SYNE2: variants seen among roughly 807,000 people sequenced by gnomAD.
SYNE2 encodes the protein nesprin-2.
SYNE2 carries 431 observed loss-of-function variants against 856.3 expected under a neutral mutation model. The ratio of observed to expected loss-of-function variants is 0.50; its 90% CI spans 0.47 to 0.55. The LOEUF (loss-of-function observed/expected upper bound fraction) is 0.55. Among genes scored for constraint, SYNE2 ranks in the 20% least tolerant of loss-of-function variants. The pLI, the probability that SYNE2 is intolerant of heterozygous loss-of-function variation, is 0.00. For synonymous variants in SYNE2, 2,923 were observed against 2,872.3 expected, an observed-to-expected ratio of 1.02 and a Z score of -0.56; for missense variants, 8,129 against 8,023.2, an observed-to-expected ratio of 1.01 and a Z score of -0.50.
intron 1 of SYNE2, among the ~76,000 whole-genome samples, chr14:63,907,507 T>C (rs186107382): frequency 6.6e-6 from 1 of 152,284 alleles, no homozygotes; most frequent in Non-Finnish European, 1.5e-5. Flanking sequence ...GTTATAAAGA[T>C]TAAATGAGGT....
intron 1 of SYNE2, among the ~76,000 whole-genome samples, chr14:63,804,020 G>A (rs1317514659): frequency 2.0e-5 from 3 of 152,088 alleles, no homozygotes; most frequent in South Asian, 2.1e-4. Context: ...CTCCTGCTCC[G>A]CCATGGGAAC....
chr14:63,778,888 T>C (rs185100857), intron 1 of SYNE2, among the ~76,000 whole-genome samples: 1 of 152,230 alleles, frequency 6.6e-6, no homozygotes, highest in Non-Finnish European at 1.5e-5. Flanking sequence ...TTAGTGATCC[T>C]CCTGCCTCAG....
chr14:64,037,908 C>T (rs564271486), intron 45 of SYNE2, among the ~76,000 whole-genome samples: 85 of 151,724 alleles, frequency 5.6e-4, no homozygotes, highest in African/African-American at 2.0e-3. Context: ...CCCAACCTCC[C>T]TCCCGGACCG....
Position 64,115,874 on chromosome 14 carries a change from C to T in SYNE2, c.12840+2303C>T, listed in dbSNP as rs373939701. Among the ~76,000 whole-genome samples, 423 of 149,522 alleles carry T rather than the reference C, an allele frequency of 2.8e-3. 4 individuals carry two copies. In the South Asian group the frequency reaches 0.032, roughly 11 times the overall value. On this transcript the variant is annotated intron_variant, in intron 66 of 115. Coordinates refer to ENST00000555002, the MANE Select transcript of SYNE2 (RefSeq NM_182914.3). ...CAAACAGTTCAGTGAAGATTATGGA[C>T]CAGGAGTGGTGGCTCACGCCTGTAA... is the stretch of plus-strand genomic sequence containing the variant.
At chr14:63,790,453 C>T (rs1023180643) in intron 1 of SYNE2, among the ~76,000 whole-genome samples, 3 of 152,152 alleles carry the variant, frequency 2.0e-5, no homozygotes, top group African/African-American at 7.2e-5. Flanking sequence ...TCAAAGTTTA[C>T]CCCTCCGCCA....
At chr14:64,216,843 G>C (rs751852291) in intron 108 of SYNE2, among the ~76,000 whole-genome samples, 12 of 152,184 alleles carry the variant, frequency 7.9e-5, no homozygotes, top group Non-Finnish European at 1.6e-4. Flanking sequence ...TCCTGCCTCA[G>C]CCTCCCAAGT....
At chr14:64,060,633 C>T (rs146083148) in intron 49 of SYNE2, among the ~76,000 whole-genome samples, 161 of 152,184 alleles carry the variant, frequency 1.1e-3, no homozygotes, top group African/African-American at 3.7e-3. Flanking sequence ...TCCAAGGACT[C>T]CCTTAGCTGC....
intron 84 of SYNE2, among the ~76,000 whole-genome samples, chr14:64,152,113 C>T (rs1034990337): frequency 6.6e-6 from 1 of 152,204 alleles, no homozygotes; most frequent in Admixed American, 6.5e-5. Flanking sequence ...GAACTACCAA[C>T]AGTTATATCG....
chr14:63,995,456 ACT>A (rs1422942006), intron 23 of SYNE2, among the ~76,000 whole-genome samples: 1 of 151,922 alleles, frequency 6.6e-6, no homozygotes, highest in African/African-American at 2.4e-5. Flanking sequence ...CTGTCCTCAG[ACT>A]CTGGTCACAA....
chr14:64,195,064 G>A (rs2098535042), intron 99 of SYNE2, among the ~76,000 whole-genome samples: 1 of 152,148 alleles, frequency 6.6e-6, no homozygotes, highest in Non-Finnish European at 1.5e-5. Context: ...AGTCCCTCTG[G>A]CAGGTTGCAC....
At chr14:63,854,198 G>A (rs538077489) in intron 1 of SYNE2, among the ~76,000 whole-genome samples, 1 of 146,460 alleles carries the variant, frequency 6.8e-6, no homozygotes, top group African/African-American at 2.5e-5. Flanking sequence ...TTTATTTGAA[G>A]CAACTTTTGT....
chr14:64,158,088 C>G (rs891593886), intron 85 of SYNE2, among the ~76,000 whole-genome samples: 17 of 152,162 alleles, frequency 1.1e-4, no homozygotes, highest in African/African-American at 4.1e-4. Context: ...TTTGCACTTG[C>G]CCATCATTTT....
intron 1 of SYNE2, among the ~76,000 whole-genome samples, chr14:63,786,582 TTGGTTTC>T: frequency 6.6e-6 from 1 of 152,216 alleles, no homozygotes; most frequent in Non-Finnish European, 1.5e-5. Flanking sequence ...AAACTATCTG[TTGGTTTC>T]CTATTGCAGA....
Position 63,899,264 on chromosome 14 carries a change from C to T in SYNE2, c.-51-9834C>T, listed in dbSNP as rs117783483. Among the ~76,000 whole-genome samples the T allele has an allele frequency of 9.7e-4, 148 of 151,944 alleles. 1 individual carries two copies. The East Asian group carries it at 0.015, about 16-fold the overall frequency. ...TGTGTGTAAGTGGAGTGCAGTGTCA[C>T]GATCTCAGCTTACTGCAACCTCCGC... On this transcript the variant is annotated intron_variant, in intron 1 of 115. Transcript: ENST00000555002.
intron 76 of SYNE2, among the ~76,000 whole-genome samples, chr14:64,130,720 AC>A (rs1208468157): frequency 6.6e-6 from 1 of 152,034 alleles, no homozygotes; most frequent in Non-Finnish European, 1.5e-5. Flanking sequence ...CCCTGTCTCT[AC>A]CAAAAATACA....
chr14:64,221,461 G>C, intron 111 of SYNE2, 115 bp from the exon 112 acceptor site: 2 of 1,598,510 alleles, frequency 1.3e-6, no homozygotes, highest in Non-Finnish European at 1.7e-6. Flanking sequence ...TATTCAGTGG[G>C]TAAGGCCAGA....
chr14:63,943,897 C>G (rs533982213), intron 6 of SYNE2, among the ~76,000 whole-genome samples: 1 of 151,874 alleles, frequency 6.6e-6, no homozygotes, highest in Admixed American at 6.6e-5. Flanking sequence ...TATTGAACTC[C>G]TGACCTTGTG....
At chr14:64,068,861 C>CAAAAA (rs10546690) in intron 51 of SYNE2, among the ~76,000 whole-genome samples, 15 of 76,636 alleles carry the variant, frequency 2.0e-4, no homozygotes, top group African/African-American at 2.2e-4. Context: ...GACTCCGTCT[C>CAAAAA]AAAAAAAAAA....
chr14:63,887,540 C>T (rs996125882), intron 1 of SYNE2, among the ~76,000 whole-genome samples: 1 of 152,122 alleles, frequency 6.6e-6, no homozygotes, highest in African/African-American at 2.4e-5. Context: ...TCCAGAGAGG[C>T]AACCCTCACC....
Sources: allele counts gnomAD v4.1 joint callset (sites outside exome capture counted in the v4.1 genomes callset), GRCh38; gene constraint gnomAD v4.1.1; transcripts MANE v1.5; gene names NCBI Gene and HGNC (gene_info 2026-07-23, HGNC 2026-07-21).